Variants in COG5 observed in about 807,000 individuals in gnomAD.
COG5 encodes the protein conserved oligomeric Golgi complex subunit 5.
Under a neutral mutation model 110.4 loss-of-function variants are expected in COG5, and 86 were observed. The observed-to-expected ratio is 0.78, with a 90% CI of 0.65 to 0.93. The LOEUF (loss-of-function observed/expected upper bound fraction) is 0.93. Ranked by LOEUF, COG5 falls within the 40% of genes least tolerant of loss-of-function variation. The pLI is 0.00. For synonymous variants in COG5, 360 were observed against 334.6 expected (o/e 1.08, Z -0.83); for missense variants, 1,077 against 987.0 (o/e 1.09, Z -1.22).
chr7:107,435,966 A>G (rs994965753), intron 6 of COG5, among the ~76,000 whole-genome samples: 6 of 152,228 alleles, frequency 3.9e-5, no homozygotes, highest in African/African-American at 1.4e-4. Flanking sequence ...CTGCCATAAA[A>G]AAGAATGAAA....
chr7:107,506,467 G>A (rs1799014890), intron 6 of COG5, among the ~76,000 whole-genome samples: 1 of 152,160 alleles, frequency 6.6e-6, no homozygotes. Flanking sequence ...GCAGCCCCTG[G>A]GCAGGAGTTT....
At chr7:107,439,494 T>C (rs1794579356) in intron 6 of COG5, among the ~76,000 whole-genome samples, 1 of 152,098 alleles carries the variant, frequency 6.6e-6, no homozygotes, top group Non-Finnish European at 1.5e-5. Context: ...CTTTAATGTA[T>C]CTTTTACTTA....
At chr7:107,362,448 A>C in intron 8 of COG5, 28 bp from the exon 9 acceptor site, 1 of 1,509,302 alleles carries the variant, frequency 6.6e-7, no homozygotes, top group Non-Finnish European at 9.2e-7. Flanking sequence ...AGAACAATGA[A>C]AAATAAAGTT....
intron 16 of COG5, among the ~76,000 whole-genome samples, chr7:107,254,230 A>G (rs1666914522): frequency 6.6e-6 from 1 of 152,190 alleles, no homozygotes; most frequent in East Asian, 1.9e-4. Flanking sequence ...GTTAAAAAGT[A>G]TGTTTAATAT....
chr7:107,545,323 A>C (rs949498652), intron 5 of COG5, among the ~76,000 whole-genome samples: 2 of 152,234 alleles, frequency 1.3e-5, no homozygotes, highest in Non-Finnish European at 2.9e-5. Context: ...ACCCCAAGAT[A>C]TATTACAATC....
At chr7:107,527,550 A>C (rs976085921) in intron 5 of COG5, among the ~76,000 whole-genome samples, 193 bp from the exon 6 acceptor site, 2 of 152,234 alleles carry the variant, frequency 1.3e-5, no homozygotes, top group African/African-American at 2.4e-5. Flanking sequence ...ATTGTGCTTA[A>C]TATGTGAATC....
chr7:107,428,147 G>C lies in COG5; in HGVS notation c.539-15515C>G, dbSNP rs1793776693. 2.0e-5 allele frequency among the ~76,000 whole-genome samples: 3 copies of C among 152,290 alleles called. No homozygotes were observed. The South Asian group carries it at 6.2e-4, about 32-fold the overall frequency. On this transcript the variant is annotated intron_variant, in intron 6 of 21. Transcript: ENST00000297135. ...GAGGAAAGTACGCCAAACAGGAAGAGAGGTTCTCAATATGGTATGCGGATT... is the reference window on the plus strand; with the variant it reads ...GAGGAAAGTACGCCAAACAGGAAGACAGGTTCTCAATATGGTATGCGGATT...
intron 6 of COG5, among the ~76,000 whole-genome samples, chr7:107,497,643 G>A (rs947774527): frequency 6.6e-6 from 1 of 152,016 alleles, no homozygotes. Context: ...AAGAACTAAA[G>A]AAGACAAACA....
At chr7:107,391,120 C>T (rs112385716) in intron 7 of COG5, among the ~76,000 whole-genome samples, 65 of 151,918 alleles carry the variant, frequency 4.3e-4, no homozygotes, top group African/African-American at 1.5e-3. Context: ...GGGTCGGCAA[C>T]GGTGATTACC....
Position 107,392,676 on chromosome 7 carries a change from CAA to C in COG5, c.669+19824_669+19825del, listed in dbSNP as rs60351972. Among the ~76,000 whole-genome samples, 799 of 136,914 alleles carry C rather than the reference CAA, an allele frequency of 5.8e-3. 9 individuals are homozygous for C. Among genetic ancestry groups the C allele is most frequent in the African/African-American group, 0.02 (771 of 37,814 alleles). The allele number at this position is 136,914 out of a possible 152,430, so 89.8% of individuals were successfully genotyped here. A position where few individuals can be genotyped will look rare whatever the true frequency, so the allele number is the denominator to read the frequency against. On this transcript the variant is annotated intron_variant, in intron 7 of 21. Transcript: ENST00000297135. ...CATGAGGGAAAGAATATTGAAATAC[CAA>C]AAAAAAAAAAAAGGATAAAAATCAG...
At chr7:107,523,598 T>C (rs1800493683) in intron 6 of COG5, among the ~76,000 whole-genome samples, 1 of 152,076 alleles carries the variant, frequency 6.6e-6, no homozygotes, top group South Asian at 2.1e-4. Context: ...GTGGATCACC[T>C]GAGGTCAGAA....
intron 6 of COG5, among the ~76,000 whole-genome samples, chr7:107,490,522 T>A (rs1451039954): frequency 1.3e-5 from 2 of 152,176 alleles, no homozygotes; most frequent in Non-Finnish European, 2.9e-5. Context: ...CAGATTATGA[T>A]GTATGCTCCA....
Position 107,548,153 on chromosome 7 carries a change from GTATGGTTCAA to G in COG5, c.365_374del (p.Val122AlafsTer4), listed in dbSNP as rs1314024626. 1.2e-6 allele frequency: 2 copies of G among 1,613,848 alleles called. No individual in the cohort carries two copies. Among genetic ancestry groups the G allele is most frequent in the Non-Finnish European group, 1.7e-6 (2 of 1,179,822 alleles). ...GTGCAGTCCGGGCAACTATCTTATT[GTATGGTTCAA>G]CAATTTTTGCTTTTATCCTACAGGA... On this transcript the variant is annotated frameshift_variant, in exon 5 of 22. Coordinates refer to ENST00000297135, the MANE Select transcript of COG5 (RefSeq NM_006348.5). LOFTEE classifies it high-confidence loss of function.
intron 6 of COG5, among the ~76,000 whole-genome samples, chr7:107,510,483 G>T (rs923030765): frequency 9.2e-5 from 14 of 152,280 alleles, no homozygotes; most frequent in African/African-American, 3.4e-4. Context: ...ACATTAGACA[G>T]ATCAACGAGA....
chr7:107,307,856 C>T (rs764390569), intron 11 of COG5, among the ~76,000 whole-genome samples: 61 of 152,104 alleles, frequency 4.0e-4, no homozygotes, highest in Non-Finnish European at 6.5e-4. Context: ...GAAATCACCA[C>T]TAAAACACTT....
At chr7:107,246,563 C>A (rs949437760) in intron 17 of COG5, among the ~76,000 whole-genome samples, 1 of 152,160 alleles carries the variant, frequency 6.6e-6, no homozygotes, top group African/African-American at 2.4e-5. Flanking sequence ...AAGACATGAA[C>A]AGACACTTCT....
At chr7:107,505,186 T>A (rs1798904156) in intron 6 of COG5, among the ~76,000 whole-genome samples, 2 of 152,224 alleles carry the variant, frequency 1.3e-5, no homozygotes, top group African/African-American at 2.4e-5. Context: ...TTGAATATTT[T>A]AGGCTTCAGG....
At chr7:107,430,805 A>G (rs1793977706) in intron 6 of COG5, among the ~76,000 whole-genome samples, 1 of 152,206 alleles carries the variant, frequency 6.6e-6, no homozygotes. Flanking sequence ...GGAACAATGC[A>G]GATATGCCAT....
chr7:107,205,388 A>G (rs760617066), intron 21 of COG5, among the ~76,000 whole-genome samples: 1 of 152,170 alleles, frequency 6.6e-6, no homozygotes, highest in Non-Finnish European at 1.5e-5. Context: ...AGATAGCTTG[A>G]TGTGGCCTAA....
Sources: gnomAD v4.1 joint callset for allele counts (sites outside exome capture counted in the v4.1 genomes callset) on GRCh38, gnomAD v4.1.1 for gene constraint, MANE v1.5 for transcripts, NCBI Gene and HGNC (gene_info 2026-07-23, HGNC 2026-07-21) for gene names.